Variants in IL16 observed in about 807,000 individuals in gnomAD.
The protein encoded by IL16 is pro-interleukin-16.
IL16 carries 67 observed loss-of-function variants against 110.1 expected under a neutral mutation model. That is an observed-to-expected ratio of 0.61 (90% CI 0.50 to 0.75). The LOEUF (loss-of-function observed/expected upper bound fraction) is 0.75. Ranked by LOEUF, IL16 falls within the 30% of genes least tolerant of loss-of-function variation. The probability of loss-of-function intolerance (pLI) is 0.00; values close to 1 mark genes in which losing one functional copy is unlikely to be tolerated. For synonymous variants in IL16, 689 were observed against 662.9 expected (o/e 1.04, Z -0.61); for missense variants, 1,545 against 1,655.0 (o/e 0.93, Z 1.15).
Position 81,303,897 on chromosome 15 carries a change from G to A in IL16, c.3420+247G>A, listed in dbSNP as rs1567047416. ...TGGCTCATCCAATCTGATCAGCATTGGCTGCTGCCTTCAGGTCACCTGTAC... is the reference window on the plus strand; with the variant it reads ...TGGCTCATCCAATCTGATCAGCATTAGCTGCTGCCTTCAGGTCACCTGTAC... On this transcript the variant is annotated intron_variant, in intron 16 of 18. Coordinates refer to ENST00000683961, the MANE Select transcript of IL16 (RefSeq NM_172217.5). This position sits in a 1 kb window ranked among gnomAD's most constrained non-coding sequence, Gnocchi z 4.1. Among the ~76,000 whole-genome samples, 1 of 152,224 alleles carries A rather than the reference G, an allele frequency of 6.6e-6. No homozygotes were observed. The highest frequency in any genetic ancestry group is 1.5e-5 in the Non-Finnish European group (1 of 68,048).
rs200767560 is a variant in IL16 at position 81,197,051 on chromosome 15, C to T, written c.-203C>T. 4.0e-5 allele frequency: 52 copies of T among 1,288,526 alleles called. No homozygotes were observed. Among genetic ancestry groups the T allele is most frequent in the African/African-American group, 1.4e-4 (9 of 65,826 alleles). The allele number at this position is 1,288,526 out of a possible 1,614,324, so 79.8% of individuals were successfully genotyped here. ...ACCCAGGCCTGGGCCACAGGCTGTC[C>T]GGGAATAAGTGGTGCTGCAATCCCT... On this transcript the variant is annotated 5_prime_UTR_variant, in exon 1 of 19. Transcript: ENST00000683961.
intron 6 of IL16, among the ~76,000 whole-genome samples, chr15:81,277,298 A>T (rs1898955573): frequency 6.6e-6 from 1 of 152,224 alleles, no homozygotes; most frequent in Admixed American, 6.5e-5. Flanking sequence ...GAGAGATAGT[A>T]TGCAAAAAGA....
At chr15:81,247,353 T>C (rs573261670) in intron 2 of IL16, among the ~76,000 whole-genome samples, 14 of 152,314 alleles carry the variant, frequency 9.2e-5, no homozygotes, top group African/African-American at 3.1e-4. Flanking sequence ...AGATTTAATA[T>C]GTAAAATTTT....
At chr15:81,206,084 T>G (rs1896006318) in intron 1 of IL16, among the ~76,000 whole-genome samples, 1 of 152,216 alleles carries the variant, frequency 6.6e-6, no homozygotes, top group Admixed American at 6.5e-5. Flanking sequence ...TTTTTCAGAT[T>G]AATTAGACAA....
intron 3 of IL16, among the ~76,000 whole-genome samples, chr15:81,263,610 T>C (rs537900917): frequency 1.3e-5 from 2 of 152,300 alleles, no homozygotes; most frequent in Admixed American, 1.3e-4. Flanking sequence ...CAGATCTGAA[T>C]GTCTAGTGGG....
chr15:81,210,587 A>T (rs1032435304), intron 1 of IL16, among the ~76,000 whole-genome samples: 1 of 151,970 alleles, frequency 6.6e-6, no homozygotes, highest in Non-Finnish European at 1.5e-5. Flanking sequence ...CTTCTTCGTT[A>T]TTCATTTTCT....
At chr15:81,300,716 G>C (rs916851217) in intron 14 of IL16, among the ~76,000 whole-genome samples, 1 of 152,142 alleles carries the variant, frequency 6.6e-6, no homozygotes, top group Non-Finnish European at 1.5e-5. Context: ...GCTTCAGGAG[G>C]GCTGGGAGGT....
In IL16 at chr15:81,313,208, G is replaced by C; in HGVS notation, c.*4410G>C. 1 of 1,473,422 alleles carries C rather than the reference G, an allele frequency of 6.8e-7. No homozygotes were observed. Among genetic ancestry groups the C allele is most frequent in the Non-Finnish European group, 9.0e-7 (1 of 1,105,978 alleles). The allele number at this position is 1,473,422 out of a possible 1,614,324, so 91.3% of individuals were successfully genotyped here. On this transcript the variant is annotated 3_prime_UTR_variant, in exon 19 of 19. Transcript: ENST00000683961. ...GCTCCTTGGTGTCCCAACAGCTGGA[G>C]CTCCTCGATGAGTCACGGGAGTTCT...
At chr15:81,217,077 T>C (rs1481604391) in intron 1 of IL16, among the ~76,000 whole-genome samples, 2 of 151,490 alleles carry the variant, frequency 1.3e-5, no homozygotes, top group African/African-American at 4.9e-5. Context: ...AAAGCAGAAA[T>C]AAATATGTTG....
At chr15:81,272,925 T>TTGG (rs1567029499) in intron 5 of IL16, among the ~76,000 whole-genome samples, 165 bp from the exon 6 acceptor site, 4 of 146,134 alleles carry the variant, frequency 2.7e-5, no homozygotes, top group Non-Finnish European at 1.5e-5. Context: ...GTTGTTGGTG[T>TTGG]TGTTGTTGTT....
At chr15:81,280,795 T>C (rs1899137811) in intron 8 of IL16, among the ~76,000 whole-genome samples, 1 of 152,204 alleles carries the variant, frequency 6.6e-6, no homozygotes, top group Admixed American at 6.5e-5. Context: ...ATGCTTGGCA[T>C]AAGGACTAGG....
At chr15:81,183,317 C>G (rs1412722893) in intron 1 of IL16, among the ~76,000 whole-genome samples, 2 of 152,168 alleles carry the variant, frequency 1.3e-5, no homozygotes, top group Admixed American at 6.5e-5. Flanking sequence ...TCAGCAGAAG[C>G]AGAACAGAAG....
chr15:81,294,885 G>A (rs1019575442), intron 12 of IL16, among the ~76,000 whole-genome samples: 18 of 152,114 alleles, frequency 1.2e-4, no homozygotes, highest in African/African-American at 3.1e-4. Flanking sequence ...GTTTTCTTCC[G>A]TGGCCACAGT....
intron 2 of IL16, among the ~76,000 whole-genome samples, chr15:81,231,581 C>G (rs1440303173): frequency 6.6e-6 from 1 of 152,112 alleles, no homozygotes; most frequent in African/African-American, 2.4e-5. Context: ...CCATGTTGCC[C>G]AGGCTGTTCT....
At chr15:81,261,619 A>G (rs1031091001) in intron 3 of IL16, among the ~76,000 whole-genome samples, 1 of 152,100 alleles carries the variant, frequency 6.6e-6, no homozygotes, top group Non-Finnish European at 1.5e-5. Flanking sequence ...CTGGGGTGGT[A>G]ACAGTGTCTG....
intron 3 of IL16, among the ~76,000 whole-genome samples, chr15:81,260,111 G>T (rs995856946): frequency 6.6e-6 from 1 of 152,214 alleles, no homozygotes; most frequent in South Asian, 2.1e-4. Flanking sequence ...TGGGGAAGAA[G>T]AGACCGGGCT....
intron 2 of IL16, among the ~76,000 whole-genome samples, chr15:81,257,625 A>T (rs1252977877): frequency 6.6e-6 from 1 of 152,104 alleles, no homozygotes; most frequent in East Asian, 1.9e-4. Context: ...CAGGGGCTGG[A>T]GCTGAGGGTG....
chr15:81,297,764 G>A (rs1349263388), intron 13 of IL16, among the ~76,000 whole-genome samples: 2 of 152,152 alleles, frequency 1.3e-5, no homozygotes, highest in Admixed American at 6.5e-5. Flanking sequence ...TGCTGGCTTC[G>A]TGAGGCCCTG....
upstream of IL16, chr15:81,196,763 T>C (rs1455855279): frequency 5.4e-6 from 5 of 926,032 alleles, no homozygotes; most frequent in Non-Finnish European, 6.8e-6. Context: ...TGGACCTTGT[T>C]CTGAGGCTGA....
Sources: allele counts gnomAD v4.1 joint callset (sites outside exome capture counted in the v4.1 genomes callset), GRCh38; gene constraint gnomAD v4.1.1; non-coding constraint Gnocchi (gnomAD v3.1); transcripts MANE v1.5; gene names NCBI Gene and HGNC (gene_info 2026-07-23, HGNC 2026-07-21).